The following ZFHX3 variants were observed in gnomAD, a reference collection of about 807,000 sequenced individuals.
The protein encoded by ZFHX3 is zinc finger homeobox protein 3.
ZFHX3 carries 42 observed loss-of-function variants against 279.1 expected under a neutral mutation model. The observed-to-expected ratio is 0.15, with a 90% CI of 0.12 to 0.19. The LOEUF is 0.19. Ranked by LOEUF, ZFHX3 falls within the 10% of genes least tolerant of loss-of-function variation. The pLI is 1.00. For synonymous variants in ZFHX3, 2,293 were observed against 1,957.8 expected (o/e 1.17, Z -4.52); for missense variants, 4,981 against 4,754.0 (o/e 1.05, Z -1.40).
chr16:73,550,034 G>T (rs2020179903), intron 2 of ZFHX3, among the ~76,000 whole-genome samples: 2 of 152,038 alleles, frequency 1.3e-5, no homozygotes, highest in Non-Finnish European at 2.9e-5. Flanking sequence ...ACGGGCGAGG[G>T]GTGGGAGGTG....
At chr16:72,878,320 T>C (rs2038371453) in intron 4 of ZFHX3, among the ~76,000 whole-genome samples, 1 of 152,212 alleles carries the variant, frequency 6.6e-6, no homozygotes, top group African/African-American at 2.4e-5. Context: ...ATGGCCAGGC[T>C]ACATCCTCAT....
intron 2 of ZFHX3, among the ~76,000 whole-genome samples, chr16:73,615,830 C>A (rs1324384636): frequency 6.6e-6 from 1 of 152,080 alleles, no homozygotes; most frequent in Non-Finnish European, 1.5e-5. Flanking sequence ...AAAGACACAG[C>A]GGAACAAATT....
intron 7 of ZFHX3, among the ~76,000 whole-genome samples, chr16:73,115,085 G>A (rs368054432): frequency 1.1e-4 from 17 of 152,082 alleles, no homozygotes; most frequent in East Asian, 5.8e-4. Context: ...CAATTCTTGG[G>A]GTAGCCAATG....
Position 73,750,475 on chromosome 16 carries a change from C to T in ZFHX3, c.-1607-70235G>A, listed in dbSNP as rs566250331. Among the ~76,000 whole-genome samples, 4 of 152,262 alleles carry T rather than the reference C, an allele frequency of 2.6e-5. No individual in the cohort carries two copies. In the South Asian group the frequency reaches 6.2e-4, roughly 24 times the overall value. On this transcript the variant is annotated intron_variant, in intron 1 of 17. Transcript: ENST00000641206. ...TGGAAGACTGGCACACAATACCACG[C>T]TATGTGTGGATCTTAGTAACAGATG...
intron 7 of ZFHX3, among the ~76,000 whole-genome samples, chr16:73,116,854 G>C (rs1238538097): frequency 6.6e-6 from 1 of 152,208 alleles, no homozygotes; most frequent in South Asian, 2.1e-4. Context: ...GTTCTCAGAA[G>C]ATGAGATGAG....
intron 2 of ZFHX3, among the ~76,000 whole-genome samples, chr16:73,464,929 G>A (rs1400804896): frequency 6.6e-6 from 1 of 152,156 alleles, no homozygotes; most frequent in Non-Finnish European, 1.5e-5. Context: ...TGGACACATG[G>A]TGGTGACATC....
At chr16:73,585,193 G>A (rs535194691) in intron 2 of ZFHX3, among the ~76,000 whole-genome samples, 7 of 152,218 alleles carry the variant, frequency 4.6e-5, no homozygotes, top group East Asian at 1.9e-4. Context: ...CGAGGTGGGC[G>A]GATCACGAGG....
At chr16:73,601,299 C>CAAAAAAAAAA (rs1217744713) in intron 2 of ZFHX3, among the ~76,000 whole-genome samples, 14 of 60,246 alleles carry the variant, frequency 2.3e-4, no homozygotes, top group African/African-American at 5.9e-4. Context: ...ACTAAAAATA[C>CAAAAAAAAAA]AAAAAAAAAA....
In ZFHX3 at chr16:72,793,259, G is replaced by A. The variant is rs1214358035; in HGVS notation, c.9423C>T (p.Asn3141=). Residue 3141 remains asparagine, a synonymous_variant, in exon 9 of 10, where the codon AAC becomes AAT. Transcript: ENST00000268489. This position sits in a 1 kb window ranked among gnomAD's most constrained non-coding sequence, Gnocchi z 4.3. ...SPSLPGFTPS[N]TALTSPKPNL... ...ATCGCCTAGAGCAGAACCCACCTGT[G>A]TTGGATGGAGTAAAGCCTGGCAAGG... 1.7e-5 allele frequency: 27 copies of A among 1,612,060 alleles called. No homozygotes were observed. The highest frequency in any genetic ancestry group is 2.3e-5 in the Non-Finnish European group (27 of 1,178,848).
intron 1 of ZFHX3, among the ~76,000 whole-genome samples, chr16:73,019,733 G>A (rs572111554): frequency 3.5e-4 from 53 of 152,088 alleles, no homozygotes; most frequent in Non-Finnish European, 6.3e-4. Flanking sequence ...AGCCTTCTCC[G>A]CTCTCTCACC....
intron 3 of ZFHX3, among the ~76,000 whole-genome samples, chr16:72,918,020 A>T (rs2039484362): frequency 6.6e-6 from 1 of 152,218 alleles, no homozygotes; most frequent in South Asian, 2.1e-4. Flanking sequence ...TTGAGGGGAC[A>T]AGGAGGCCTG....
At chr16:73,521,080 C>T (rs979096798) in intron 2 of ZFHX3, among the ~76,000 whole-genome samples, 4 of 152,086 alleles carry the variant, frequency 2.6e-5, no homozygotes, top group African/African-American at 4.8e-5. Context: ...AACAAATGAA[C>T]GAAAAAATCT....
intron 2 of ZFHX3, among the ~76,000 whole-genome samples, chr16:73,591,692 C>CAAAAAAAAAAAAAA (rs57402211): frequency 1.2e-4 from 4 of 33,438 alleles, no homozygotes; most frequent in Non-Finnish European, 1.7e-4. Flanking sequence ...GACTCTGTCT[C>CAAAAAAAAAAAAAA]AAAAAAAAAA....
chr16:73,537,314 CTTTTTTTTTT>C (rs3051948), intron 2 of ZFHX3, among the ~76,000 whole-genome samples: 5 of 77,596 alleles, frequency 6.4e-5, no homozygotes, highest in Admixed American at 1.9e-4. Context: ...CTTTCTTCTT[CTTTTTTTTTT>C]TTTTTTTTTT....
intron 5 of ZFHX3, among the ~76,000 whole-genome samples, chr16:72,829,210 G>A (rs540866547): frequency 4.1e-5 from 6 of 145,898 alleles, no homozygotes; most frequent in South Asian, 2.2e-4. Flanking sequence ...ACAGGGACTC[G>A]CTATGTTGCC....
chr16:73,186,058 C>T (rs1967901112), intron 5 of ZFHX3, among the ~76,000 whole-genome samples: 1 of 151,918 alleles, frequency 6.6e-6, no homozygotes, highest in African/African-American at 2.4e-5. Context: ...AATCTAATGC[C>T]TGATGATCTG....
At chr16:73,351,363 G>A (rs2016238066) in intron 3 of ZFHX3, among the ~76,000 whole-genome samples, 1 of 152,162 alleles carries the variant, frequency 6.6e-6, no homozygotes, top group Non-Finnish European at 1.5e-5. Flanking sequence ...CAACAGAATT[G>A]ATTTTCAACA....
At chr16:73,281,094 T>C (rs553080018) in intron 4 of ZFHX3, among the ~76,000 whole-genome samples, 1 of 149,116 alleles carries the variant, frequency 6.7e-6, no homozygotes, top group Admixed American at 6.7e-5. Flanking sequence ...AAAGTAAACA[T>C]ACAACTGCCA....
chr16:72,954,066 GC>G lies in ZFHX3; in HGVS notation c.2720-3102del, dbSNP rs1961126426. Among the ~76,000 whole-genome samples the G allele has an allele frequency of 5.3e-5, 8 of 152,226 alleles. No individual in the cohort carries two copies. The South Asian group carries it at 1.7e-3, about 32-fold the overall frequency. On this transcript the variant is annotated intron_variant, in intron 2 of 9. Coordinates refer to ENST00000268489, the MANE Select transcript of ZFHX3 (RefSeq NM_006885.4). ...CACCCAGTTCACAAACAGGAGCAGG[GC>G]CCCTATAAATAAGAAACTGGGGCTG...
Sources: allele counts gnomAD v4.1 joint callset (sites outside exome capture counted in the v4.1 genomes callset), GRCh38; gene constraint gnomAD v4.1.1; non-coding constraint Gnocchi (gnomAD v3.1); transcripts MANE v1.5; gene names NCBI Gene and HGNC (gene_info 2026-07-23, HGNC 2026-07-21).